Variants in CASD1 observed in about 807,000 individuals in gnomAD.
CASD1 encodes N-acetylneuraminate (7)9-O-acetyltransferase.
CASD1 carries 41 observed loss-of-function variants against 100.0 expected under a neutral mutation model. The observed-to-expected ratio is 0.41, with a 90% CI of 0.32 to 0.53. CASD1 has a LOEUF of 0.53. Ranked by LOEUF, CASD1 falls within the 20% of genes least tolerant of loss-of-function variation. The pLI is 0.25. For synonymous variants in CASD1, 321 were observed against 315.6 expected (o/e 1.02, Z -0.18); for missense variants, 774 against 948.7 (o/e 0.82, Z 2.42).
chr7:94,535,967 G>A (rs918152800), intron 8 of CASD1, among the ~76,000 whole-genome samples: 1 of 152,154 alleles, frequency 6.6e-6, no homozygotes, highest in African/African-American at 2.4e-5. Flanking sequence ...TTCTGGCCAG[G>A]CGCAGTGGCT....
intron 4 of CASD1, 36 bp from the exon 5 acceptor site, chr7:94,528,152 T>A (rs1026339038): frequency 2.2e-5 from 31 of 1,423,842 alleles, no homozygotes; most frequent in Non-Finnish European, 2.8e-5. Flanking sequence ...AAGAGTTTCT[T>A]CAACTTTTTC....
chr7:94,569,903 TC>T, the CASD1 span, among the ~76,000 whole-genome samples: 1 of 150,302 alleles, frequency 6.7e-6, no homozygotes, highest in Non-Finnish European at 1.5e-5. Flanking sequence ...AAGCTCTGCC[TC>T]CCGGGTTCAT....
chr7:94,595,000 A>G, the CASD1 span, among the ~76,000 whole-genome samples: 2 of 152,080 alleles, frequency 1.3e-5, no homozygotes, highest in African/African-American at 4.8e-5. Context: ...TGAATCAGAG[A>G]TCCTTCTGAG....
chr7:94,608,104 C>T, the CASD1 span, among the ~76,000 whole-genome samples: 12 of 152,074 alleles, frequency 7.9e-5, no homozygotes, highest in African/African-American at 2.7e-4. Flanking sequence ...AGCAGTTTTG[C>T]AGGCCGAGGC....
intron 2 of CASD1, 95 bp downstream of exon 2, chr7:94,517,751 T>G: frequency 1.4e-6 from 1 of 730,826 alleles, no homozygotes; most frequent in East Asian, 2.6e-5. Context: ...ATCTCTATGT[T>G]GGGGTAGAGA....
the CASD1 span, among the ~76,000 whole-genome samples, chr7:94,586,076 A>AC: frequency 3.3e-5 from 5 of 150,370 alleles, no homozygotes; most frequent in African/African-American, 9.7e-5. Flanking sequence ...AAAAAAAAAA[A>AC]AAAAAAAAAA....
In CASD1 at chr7:94,510,209, G is replaced by A. The variant is rs769776224; in HGVS notation, c.125G>A (p.Arg42His). 1.2e-5 allele frequency: 18 copies of A among 1,505,084 alleles called. No individual in the cohort carries two copies. The South Asian group carries it at 2.1e-4, about 18-fold the overall frequency. 93.2% of individuals were successfully genotyped at this position (1,505,084 alleles called of 1,614,324 possible). ...GCAGCGTGCCACCTCGCCTCCCGCC[G>A]CTACCGAGGTGAGCGGGCCCTCCCC... is the stretch of plus-strand genomic sequence containing the variant. ...LLAACHLASR[R>H]YRGNDSCEYL... Residue 42 changes from arginine (R) to histidine (H), a missense_variant, in exon 1 of 18, where the codon CGC becomes CAC. Transcript: ENST00000297273.
intron 8 of CASD1, among the ~76,000 whole-genome samples, chr7:94,536,540 T>C (rs976550061): frequency 2.0e-5 from 3 of 152,202 alleles, no homozygotes; most frequent in Admixed American, 1.3e-4. Context: ...CATGTACATA[T>C]GGTTCTCCAT....
chr7:94,558,596 A>T (rs530070853), downstream of CASD1, among the ~76,000 whole-genome samples: 1 of 152,152 alleles, frequency 6.6e-6, no homozygotes, highest in African/African-American at 2.4e-5. Flanking sequence ...GATTGCATAC[A>T]TTTATGACTT....
At chr7:94,524,500 A>G (rs1033107814) in intron 3 of CASD1, among the ~76,000 whole-genome samples, 2 of 152,062 alleles carry the variant, frequency 1.3e-5, no homozygotes, top group Admixed American at 1.3e-4. Context: ...AACAGACCAG[A>G]TGTATTAGGC....
intron 6 of CASD1, 152 bp from the exon 7 acceptor site, chr7:94,533,527 T>A: frequency 3.3e-6 from 2 of 613,318 alleles, no homozygotes; most frequent in Middle Eastern, 4.8e-4. Flanking sequence ...TGCTTTCATA[T>A]ATTTCATGAA....
At chr7:94,523,608 A>G (rs1584386652) in intron 3 of CASD1, among the ~76,000 whole-genome samples, 1 of 152,194 alleles carries the variant, frequency 6.6e-6, no homozygotes, top group African/African-American at 2.4e-5. Flanking sequence ...GGGAAGACTC[A>G]GTATTGTAAA....
At chr7:94,592,800 A>G in the CASD1 span, among the ~76,000 whole-genome samples, 2 of 152,262 alleles carry the variant, frequency 1.3e-5, no homozygotes, top group East Asian at 1.9e-4. Context: ...ACTTGTTTCA[A>G]ACTAAAAAGC....
chr7:94,612,097 T>C, the CASD1 span, among the ~76,000 whole-genome samples: 1 of 152,340 alleles, frequency 6.6e-6, no homozygotes, highest in East Asian at 1.9e-4. Context: ...TTGTGAAATA[T>C]ATTTGTAAGG....
chr7:94,546,781 A>G (rs1273100859), intron 12 of CASD1, among the ~76,000 whole-genome samples: 2 of 151,906 alleles, frequency 1.3e-5, no homozygotes, highest in Admixed American at 6.6e-5. Context: ...CTTGTTCCAG[A>G]TTTTGCTGTA....
At chr7:94,570,071 C>G in the CASD1 span, among the ~76,000 whole-genome samples, 8 of 152,148 alleles carry the variant, frequency 5.3e-5, no homozygotes, top group Non-Finnish European at 8.8e-5. Context: ...CCTCAGCCTC[C>G]CAAAGTGCTG....
the CASD1 span, chr7:94,618,572 T>C: frequency 1.7e-6 from 1 of 571,622 alleles, no homozygotes. Context: ...GAACTTGAGA[T>C]ATAAAAAACC....
downstream of CASD1, among the ~76,000 whole-genome samples, chr7:94,557,637 G>A (rs529360024): frequency 1.2e-4 from 18 of 152,118 alleles, no homozygotes; most frequent in Middle Eastern, 3.4e-3. Context: ...TAGGGATGCC[G>A]CAGTGAATAT....
At chr7:94,586,501 C>CT in the CASD1 span, 885 of 152,024 alleles carry the variant, frequency 5.8e-3, 8 homozygotes, top group African/African-American at 0.02. Flanking sequence ...TTTCTTTTTT[C>CT]TTTTTTTTCT....
Sources: allele counts gnomAD v4.1 joint callset (sites outside exome capture counted in the v4.1 genomes callset), GRCh38; gene constraint gnomAD v4.1.1; transcripts MANE v1.5; gene names NCBI Gene and HGNC (gene_info 2026-07-23, HGNC 2026-07-21).